Variants in AIMP2 observed in about 807,000 individuals in gnomAD.
The protein encoded by AIMP2 is aminoacyl tRNA synthase complex-interacting multifunctional protein 2.
In AIMP2, 20 loss-of-function variants were observed where a neutral mutation model predicts 23.4. The ratio of observed to expected loss-of-function variants is 0.85; its 90% CI spans 0.60 to 1.24. The LOEUF (loss-of-function observed/expected upper bound fraction) is 1.24. AIMP2 is among the 50% of genes most tolerant of loss of function. The pLI, the probability that AIMP2 is intolerant of heterozygous loss-of-function variation, is 0.00. For synonymous variants in AIMP2, 210 were observed against 170.4 expected, an observed-to-expected ratio of 1.23 and a Z score of -1.81; for missense variants, 515 against 414.5, an observed-to-expected ratio of 1.24 and a Z score of -2.10.
intron 3 of AIMP2, among the ~76,000 whole-genome samples, chr7:6,018,993 T>C (rs1459682090): frequency 1.1e-5 from 1 of 89,704 alleles, no homozygotes; most frequent in African/African-American, 4.6e-5. Flanking sequence ...ACACACACAA[T>C]ACATGGCACC....
intron 1 of AIMP2, among the ~76,000 whole-genome samples, chr7:6,012,205 A>G (rs189387233): frequency 1.5e-3 from 226 of 151,814 alleles, no homozygotes; most frequent in African/African-American, 5.2e-3. Context: ...TTGAGCTGTG[A>G]TCCTGCCACT....
chr7:6,023,025 G>T (rs373188224), intron 3 of AIMP2: 50 of 355,848 alleles, frequency 1.4e-4, no homozygotes, highest in African/African-American at 9.2e-4. Flanking sequence ...AGGCAGCAGG[G>T]ATTGGAGCAG....
At chr7:6,009,786 A>G (rs1174607989) in intron 1 of AIMP2, among the ~76,000 whole-genome samples, 1 of 149,698 alleles carries the variant, frequency 6.7e-6, no homozygotes, top group Admixed American at 6.7e-5. Context: ...CCTCGTCTCT[A>G]CTAAAAATAC....
chr7:6,018,738 G>A (rs1397659018), intron 3 of AIMP2, among the ~76,000 whole-genome samples: 1 of 151,838 alleles, frequency 6.6e-6, no homozygotes, highest in Non-Finnish European at 1.5e-5. Flanking sequence ...GGAGGCGGAG[G>A]CAGGAGAATC....
rs975662552 is a variant in AIMP2 at position 6,015,445 on chromosome 7, C to T, written c.342+93C>T. The stretch of plus-strand genomic sequence containing the variant: ...TGTGATTAAAGCCTTAGCTTTCAGG[C>T]CGGGCGTGGTGGCTCACGCCTGTAA... On this transcript the variant is annotated intron_variant, in intron 2 of 3. Transcript: ENST00000223029. 20 of 1,415,370 alleles carry T rather than the reference C, an allele frequency of 1.4e-5. No individual in the cohort carries two copies. In the East Asian group the frequency reaches 4.5e-4, roughly 32 times the overall value. The allele number at this position is 1,415,370 out of a possible 1,614,324, so 87.7% of individuals were successfully genotyped here.
chr7:6,023,682 C>G lies in AIMP2; in HGVS notation c.954C>G (p.Leu318=). The change falls in exon 4 of 4, where the codon CTC becomes CTG. Residue 318 remains leucine, a synonymous_variant. Transcript: ENST00000223029. ...CTCCTTTTAACACGGCCCTCAAGCT[C>G]CTTAAGTGAATTGCCGTAACTGATT... The part of the protein sequence containing the change: ...NLAPFNTALK[L]LK 6.2e-7 allele frequency: 1 copy of G among 1,614,032 alleles called. No homozygotes were observed. The highest frequency in any genetic ancestry group is 8.5e-7 in the Non-Finnish European group (1 of 1,180,020).
chr7:6,016,251 C>G (rs3779106), intron 2 of AIMP2, among the ~76,000 whole-genome samples: 51,474 of 152,062 alleles, frequency 0.34, 9,469 homozygotes, highest in Non-Finnish European at 0.41. Context: ...AGGGGAGAAT[C>G]TGATATGCAA....
chr7:6,012,013 G>A (rs1786721350), intron 1 of AIMP2, among the ~76,000 whole-genome samples: 1 of 152,282 alleles, frequency 6.6e-6, no homozygotes, highest in African/African-American at 2.4e-5. Flanking sequence ...AGCACTTTGG[G>A]AGACCAAGGC....
chr7:6,020,033 A>AAAAAG (rs1787284174), intron 3 of AIMP2, among the ~76,000 whole-genome samples: 1 of 150,388 alleles, frequency 6.6e-6, no homozygotes, highest in African/African-American at 2.5e-5. Flanking sequence ...AAAAAAAAAA[A>AAAAAG]AAAAGGGAAA....
At chr7:6,009,521 C>A in intron 1 of AIMP2, 23 bp downstream of exon 1, 1 of 1,451,282 alleles carries the variant, frequency 6.9e-7, no homozygotes, top group Non-Finnish European at 9.0e-7. Flanking sequence ...GGCCCCCCGC[C>A]CAGTGCGCAC....
intron 1 of AIMP2, among the ~76,000 whole-genome samples, chr7:6,013,963 A>AG (rs1454565377): frequency 1.3e-5 from 2 of 151,834 alleles, no homozygotes; most frequent in East Asian, 3.9e-4. Flanking sequence ...GGACAAAAAA[A>AG]AAAAGACAAG....
intron 2 of AIMP2, among the ~76,000 whole-genome samples, chr7:6,016,563 G>A (rs532720713): frequency 2.8e-4 from 42 of 152,272 alleles, no homozygotes; most frequent in African/African-American, 8.4e-4. Flanking sequence ...CCTAGCAGAT[G>A]AGTTTTCGAG....
chr7:6,009,374 A>G lies in AIMP2; in HGVS notation c.11A>G (p.Tyr4Cys). 6.2e-7 allele frequency: 1 copy of G among 1,611,766 alleles called. No homozygotes were observed. Among genetic ancestry groups the G allele is most frequent in the Admixed American group, 1.7e-5 (1 of 60,022 alleles). Residue 4 changes from tyrosine to cysteine, a missense_variant, in exon 1 of 4, where the codon TAC (tyrosine) becomes TGC (cysteine). Coordinates refer to ENST00000223029, the MANE Select transcript of AIMP2 (RefSeq NM_006303.4). ...TGCTTTGGTTCTGCCATGCCGATGT[A>G]CCAGGTAAAGCCCTATCACGGGGGC... MPM[Y>C]QVKPYHGGGA...
At chr7:6,013,255 ATTTTTTTT>A (rs71008349) in intron 1 of AIMP2, 49 of 117,240 alleles carry the variant, frequency 4.2e-4, no homozygotes, top group South Asian at 1.4e-3. Flanking sequence ...ACAATATCTG[ATTTTTTTT>A]TTTTTTTTTT....
At chr7:6,014,630 C>A (rs1243263439) in intron 1 of AIMP2, among the ~76,000 whole-genome samples, 1 of 152,002 alleles carries the variant, frequency 6.6e-6, no homozygotes, top group Non-Finnish European at 1.5e-5. Flanking sequence ...TGTTTCTGCT[C>A]CTGTATTTTA....
chr7:6,019,484 C>CAAA (rs71008351), intron 3 of AIMP2, among the ~76,000 whole-genome samples: 3 of 111,942 alleles, frequency 2.7e-5, no homozygotes, highest in Non-Finnish European at 1.8e-5. Context: ...GACTCCGTCT[C>CAAA]AAAAAAAAAA....
At chr7:6,015,395 G>T in intron 2 of AIMP2, 43 bp downstream of exon 2, 2 of 1,591,712 alleles carry the variant, frequency 1.3e-6, no homozygotes, top group South Asian at 2.2e-5. Flanking sequence ...GGTACTGAGT[G>T]GTTAGTGCAG....
intron 2 of AIMP2, 146 bp from the exon 3 acceptor site, chr7:6,017,668 G>A (rs1045810736): frequency 1.2e-5 from 8 of 675,654 alleles, no homozygotes; most frequent in Non-Finnish European, 2.0e-5. Flanking sequence ...TAAGTTACTG[G>A]CTGCAACGTG....
chr7:6,021,011 T>C (rs752215050), intron 3 of AIMP2, among the ~76,000 whole-genome samples: 5 of 152,208 alleles, frequency 3.3e-5, no homozygotes, highest in Non-Finnish European at 5.9e-5. Flanking sequence ...ATTAATTCCA[T>C]TGATGCCTTG....
Sources: gnomAD v4.1 joint callset for allele counts (sites outside exome capture counted in the v4.1 genomes callset) on GRCh38, gnomAD v4.1.1 for gene constraint, MANE v1.5 for transcripts, NCBI Gene and HGNC (gene_info 2026-07-23, HGNC 2026-07-21) for gene names.